Variants in COL18A1 observed in about 807,000 individuals in gnomAD.
COL18A1 encodes the protein collagen type XVIII alpha 1 chain, also known as collagen alpha-1(XVIII) chain.
In COL18A1, 133 loss-of-function variants were observed where a neutral mutation model predicts 168.0. That is an observed-to-expected ratio of 0.79 (90% CI 0.69 to 0.91). COL18A1 has a LOEUF of 0.91. Ranked by LOEUF, COL18A1 falls within the 40% of genes least tolerant of loss-of-function variation. The pLI, the probability that COL18A1 is intolerant of heterozygous loss-of-function variation, is 0.00. For synonymous variants in COL18A1, 949 were observed against 809.0 expected, an observed-to-expected ratio of 1.17 and a Z score of -2.94; for missense variants, 2,126 against 1,925.4, an observed-to-expected ratio of 1.10 and a Z score of -1.95.
intron 2 of COL18A1, among the ~76,000 whole-genome samples, chr21:45,453,108 TTATG>T (rs956376764): frequency 5.6e-4 from 85 of 152,068 alleles, no homozygotes; most frequent in African/African-American, 1.9e-3. Flanking sequence ...CATGTAAGCA[TTATG>T]TATGTGTGTG....
rs2145967152 is a variant in COL18A1, at chr21:45,487,440, C to T, written c.1834-7C>T. 6.2e-7 allele frequency: 1 copy of T among 1,612,760 alleles called. No homozygotes were observed. Among genetic ancestry groups the T allele is most frequent in the Non-Finnish European group, 8.5e-7 (1 of 1,179,988 alleles). Reference sequence around the variant, plus strand: ...AGGCCCCTACGTGTCTCGTGTGTCTCTTCCAGGATGACATGGAAGGCTCCG... The same window carrying T: ...AGGCCCCTACGTGTCTCGTGTGTCTTTTCCAGGATGACATGGAAGGCTCCG... On this transcript the variant is annotated splice_polypyrimidine_tract_variant and splice_region_variant and intron_variant, in intron 16 of 41. Transcript: ENST00000651438.
At position 45,511,136 on chromosome 21, in the gene COL18A1, A is replaced by G. The variant is rs375813847; in HGVS notation, c.3719A>G (p.Glu1240Gly). The G allele has an allele frequency of 6.3e-7, 1 of 1,582,364 alleles. No individual in the cohort carries two copies. The highest frequency in any genetic ancestry group is 2.3e-5 in the East Asian group (1 of 43,100). The change falls in exon 41 of 42, where the codon GAG becomes GGG. Residue 1240 changes from glutamate to glycine, a missense_variant. Coordinates refer to ENST00000651438, the MANE Select transcript of COL18A1 (RefSeq NM_001379500.1). Reference sequence around the variant, plus strand: ...GACGAGCTGCTGTTTCCCAGCTGGGAGGCTCTGTTCTCAGGCTCTGAGGGT... The same window carrying G: ...GACGAGCTGCTGTTTCCCAGCTGGGGGGCTCTGTTCTCAGGCTCTGAGGGT... ...LKDELLFPSWEALFSGSEGPL... is the reference protein window; with the variant it reads ...LKDELLFPSWGALFSGSEGPL...
chr21:45,430,878 C>T (rs982030693), intron 2 of COL18A1, among the ~76,000 whole-genome samples: 4 of 152,186 alleles, frequency 2.6e-5, no homozygotes, highest in South Asian at 2.1e-4. Context: ...AGGGTCAGCT[C>T]GGGAGCAAGG....
intron 14 of COL18A1, among the ~76,000 whole-genome samples, chr21:45,482,548 G>A (rs1179195169): frequency 6.6e-6 from 1 of 152,210 alleles, no homozygotes; most frequent in East Asian, 1.9e-4. Flanking sequence ...CCAGGCCCCA[G>A]GCCCCACGTG....
At chr21:45,406,314 G>C (rs940616494) in intron 2 of COL18A1, among the ~76,000 whole-genome samples, 11 of 152,160 alleles carry the variant, frequency 7.2e-5, no homozygotes, top group African/African-American at 2.4e-4. Context: ...GCCTGCCTCC[G>C]ACTCGACTCC....
chr21:45,508,441 AAGTGGGTG>A (rs1031122902), intron 38 of COL18A1, among the ~76,000 whole-genome samples: 3 of 127,298 alleles, frequency 2.4e-5, no homozygotes, highest in South Asian at 3.0e-4. Context: ...GATGGTGGGT[AAGTGGGTG>A]AGTGGATGGG....
chr21:45,486,948 C>T lies in COL18A1; in HGVS notation c.1789C>T (p.Pro597Ser). ...APGPAGPPGP[P>S]GPPGPPGPGL... ...CGGACCTGCTGGACCACCAGGCCCC[C>T]CTGGGCCCCCTGGGCCCCCAGGACC... Residue 597 changes from proline to serine, a missense_variant, in exon 16 of 42, where the codon CCT becomes TCT. Transcript: ENST00000651438. 1 of 1,485,478 alleles carries T rather than the reference C, an allele frequency of 6.7e-7. No homozygotes were observed. The allele number at this position is 1,485,478 out of a possible 1,614,324, so 92.0% of individuals were successfully genotyped here. A position where few individuals can be genotyped will look rare whatever the true frequency, so the allele number is the denominator to read the frequency against.
intron 28 of COL18A1, 143 bp from the exon 29 acceptor site, chr21:45,495,215 C>G (rs1420251465): frequency 2.7e-6 from 2 of 739,362 alleles, no homozygotes; most frequent in Non-Finnish European, 4.7e-6. Context: ...TGAGAAGGGC[C>G]GGGGTAGCCT....
At chr21:45,438,225 CTCAG>C (rs1295049709) in intron 2 of COL18A1, among the ~76,000 whole-genome samples, 7 of 105,340 alleles carry the variant, frequency 6.6e-5, no homozygotes, top group Non-Finnish European at 9.7e-5. Flanking sequence ...CACTCACACA[CTCAG>C]ACACACAGGC....
intron 2 of COL18A1, among the ~76,000 whole-genome samples, chr21:45,449,439 AC>A (rs760075885): frequency 4.0e-4 from 61 of 152,144 alleles, no homozygotes; most frequent in Non-Finnish European, 7.9e-4. Context: ...TCAGAGGGAC[AC>A]CAGAGCCTGG....
intron 41 of COL18A1, among the ~76,000 whole-genome samples, chr21:45,511,736 G>A (rs922128102): frequency 5.9e-5 from 9 of 152,292 alleles, no homozygotes; most frequent in East Asian, 1.9e-4. Flanking sequence ...GCCACACAGC[G>A]TGTCCCCAGC....
chr21:45,448,798 C>T (rs1197348802), intron 2 of COL18A1, among the ~76,000 whole-genome samples: 3 of 152,246 alleles, frequency 2.0e-5, no homozygotes, highest in Admixed American at 6.5e-5. Context: ...CCAGAGCCGT[C>T]AGGGACCACG....
intron 2 of COL18A1, among the ~76,000 whole-genome samples, chr21:45,450,535 G>C (rs563722586): frequency 6.6e-6 from 1 of 152,202 alleles, no homozygotes; most frequent in Non-Finnish European, 1.5e-5. Flanking sequence ...CCCTGTTCAC[G>C]TGTGGATGTT....
At chr21:45,496,912 C>G (rs1336644604) in intron 30 of COL18A1, 138 bp from the exon 31 acceptor site, 3 of 713,604 alleles carry the variant, frequency 4.2e-6, no homozygotes, top group Non-Finnish European at 7.6e-6. Context: ...CCCCTGTTCC[C>G]TCCCGTCTCT....
chr21:45,487,057 C>A, intron 16 of COL18A1, 65 bp downstream of exon 16: 8 of 1,412,790 alleles, frequency 5.7e-6, no homozygotes, highest in Non-Finnish European at 7.5e-6. Flanking sequence ...GCCCTACTAC[C>A]CCTGGCATCT....
intron 2 of COL18A1, among the ~76,000 whole-genome samples, chr21:45,411,122 G>A (rs1050038252): frequency 6.6e-6 from 1 of 152,204 alleles, no homozygotes; most frequent in African/African-American, 2.4e-5. Context: ...GAGAGACAGG[G>A]GTAGTGTCCC....
chr21:45,472,228 T>G (rs892630191), intron 3 of COL18A1, among the ~76,000 whole-genome samples: 10 of 151,716 alleles, frequency 6.6e-5, no homozygotes, highest in Middle Eastern at 3.2e-3. Flanking sequence ...GTTTTTTTTT[T>G]TTGTTTTTTT....
In COL18A1 at chr21:45,505,237, G is replaced by T; in HGVS notation, c.2972G>T (p.Gly991Val). 6.2e-7 allele frequency: 1 copy of T among 1,602,890 alleles called. No individual in the cohort carries two copies. Among genetic ancestry groups the T allele is most frequent in the Non-Finnish European group, 8.5e-7 (1 of 1,173,658 alleles). The change falls in exon 35 of 42, where the codon GGC (glycine) becomes GTC (valine). Residue 991 changes from glycine (G) to valine (V), a missense_variant. Gly to Val is a moderately radical substitution (Grantham distance 109). Coordinates refer to ENST00000651438, the MANE Select transcript of COL18A1 (RefSeq NM_001379500.1). ...CGCCAGGGCCCTCCCGGCCCCCCAG[G>T]CCCCCCAGGGCCCCCTTCATTTCCT... ...EGRQGPPGPP[G>V]PPGPPSFPGP...
At chr21:45,466,370 G>C (rs2035211647) in intron 2 of COL18A1, among the ~76,000 whole-genome samples, 1 of 152,182 alleles carries the variant, frequency 6.6e-6, no homozygotes, top group African/African-American at 2.4e-5. Flanking sequence ...ATTCCTGAGG[G>C]GGAAATGGTC....
Sources: allele counts gnomAD v4.1 joint callset (sites outside exome capture counted in the v4.1 genomes callset), GRCh38; gene constraint gnomAD v4.1.1; transcripts MANE v1.5; gene names NCBI Gene and HGNC (gene_info 2026-07-23, HGNC 2026-07-21).